Variants in ARHGAP31 observed in about 807,000 individuals in gnomAD.
The protein encoded by ARHGAP31 is Rho GTPase activating protein 31, also known as rho GTPase-activating protein 31.
A neutral mutation model predicts 113.9 loss-of-function variants in ARHGAP31; 34 were observed. The observed-to-expected ratio is 0.30, with a 90% CI of 0.23 to 0.40. ARHGAP31 has a LOEUF of 0.40. Ranked by LOEUF, ARHGAP31 falls within the 10% of genes least tolerant of loss-of-function variation. The pLI, the probability that ARHGAP31 is intolerant of heterozygous loss-of-function variation, is 1.00. For missense variants in ARHGAP31, 1,548 were observed against 1,767.1 expected (o/e 0.88, Z 2.22); for synonymous variants, 650 against 684.8 (o/e 0.95, Z 0.79).
chr3:119,298,798 T>C, intron 1 of ARHGAP31: 1 of 179,698 alleles, frequency 5.6e-6, no homozygotes, highest in Admixed American at 5.6e-5. Flanking sequence ...CAAAACACAG[T>C]AGAGGCCACC....
chr3:119,338,255 G>A (rs778562589), intron 1 of ARHGAP31, among the ~76,000 whole-genome samples: 58 of 152,276 alleles, frequency 3.8e-4, no homozygotes, highest in Non-Finnish European at 7.3e-4. Context: ...TTACATGGAT[G>A]TTACTCCTAG....
In ARHGAP31 at chr3:119,416,366, C is replaced by T; in HGVS notation, c.*102C>T. 1 of 1,529,316 alleles carries T rather than the reference C, an allele frequency of 6.5e-7. No homozygotes were observed. The allele number at this position is 1,529,316 out of a possible 1,614,324, so 94.7% of individuals were successfully genotyped here. A position where few individuals can be genotyped will look rare whatever the true frequency, so the allele number is the denominator to read the frequency against. ...CAGGCACACGTTATCAAGTTTGGGC[C>T]TATTGTGGCCTCTGACTTCTCTTTC... On this transcript the variant is annotated 3_prime_UTR_variant, in exon 12 of 12. Coordinates refer to ENST00000264245, the MANE Select transcript of ARHGAP31 (RefSeq NM_020754.4).
chr3:119,419,672 G>A lies in ARHGAP31; in HGVS notation c.*3408G>A, dbSNP rs1234065350. 1.3e-5 allele frequency: 2 copies of A among 152,196 alleles called. No homozygotes were observed. Among genetic ancestry groups the A allele is most frequent in the Admixed American group, 6.5e-5 (1 of 15,274 alleles). The allele number at this position is 152,196 out of a possible 1,614,324, so 9.4% of individuals were successfully genotyped here. On this transcript the variant is annotated 3_prime_UTR_variant, in exon 12 of 12. Transcript: ENST00000264245. ...AGAAGGGGAAAAAGTGTGGCAACAA[G>A]CATCTTTTAATAGGATAGTTGACGG...
chr3:119,337,440 A>G (rs1009071666), intron 1 of ARHGAP31, among the ~76,000 whole-genome samples: 4 of 152,200 alleles, frequency 2.6e-5, no homozygotes, highest in Admixed American at 6.5e-5. Flanking sequence ...GCACAGACCC[A>G]AAGAGTGACC....
intron 3 of ARHGAP31, among the ~76,000 whole-genome samples, chr3:119,369,197 A>G (rs2080275296): frequency 6.6e-6 from 1 of 152,192 alleles, no homozygotes; most frequent in Non-Finnish European, 1.5e-5. Context: ...CGTGAAAAAC[A>G]TGGCTTGAAC....
At chr3:119,314,115 A>C (rs1467345153) in intron 1 of ARHGAP31, among the ~76,000 whole-genome samples, 3 of 152,094 alleles carry the variant, frequency 2.0e-5, no homozygotes, top group African/African-American at 7.2e-5. Flanking sequence ...GCCACACTCT[A>C]CTTCTCGCAG....
chr3:119,304,968 C>T (rs1559960732), intron 1 of ARHGAP31, among the ~76,000 whole-genome samples: 1 of 151,960 alleles, frequency 6.6e-6, no homozygotes, highest in Non-Finnish European at 1.5e-5. Context: ...TGCTAACTGA[C>T]CCTCTGTTTC....
Position 119,365,360 on chromosome 3 carries a change from G to A in ARHGAP31, c.145G>A (p.Gly49Ser), listed in dbSNP as rs2107622807. The A allele has an allele frequency of 3.7e-6, 6 of 1,614,016 alleles. No individual in the cohort carries two copies. Among genetic ancestry groups the A allele is most frequent in the Admixed American group, 1.7e-5 (1 of 60,018 alleles). Residue 49 changes from glycine to serine, a missense_variant, in exon 2 of 12, where the codon GGC becomes AGC. Transcript: ENST00000264245. Reference protein sequence around the residue: ...KSCAEFIETHGIVDGIYRLSG... With the variant: ...KSCAEFIETHSIVDGIYRLSG... Reference sequence around the variant, plus strand: ...CTGTGCAGAATTTATAGAGACTCACGGCATCGTGGATGGAATCTATCGGCT... The same window carrying A: ...CTGTGCAGAATTTATAGAGACTCACAGCATCGTGGATGGAATCTATCGGCT...
At chr3:119,321,881 G>A (rs1302004706) in intron 1 of ARHGAP31, among the ~76,000 whole-genome samples, 2 of 152,216 alleles carry the variant, frequency 1.3e-5, no homozygotes, top group African/African-American at 4.8e-5. Flanking sequence ...TTGAACTTCT[G>A]ACCTCGGGTG....
chr3:119,397,947 C>G lies in ARHGAP31; in HGVS notation c.1007-1252C>G, dbSNP rs2080566628. On this transcript the variant is annotated intron_variant, in intron 8 of 11. Coordinates refer to ENST00000264245, the MANE Select transcript of ARHGAP31 (RefSeq NM_020754.4). ...AATATAATTACCTTATAGCCATTAC[C>G]CATTTAATCCTCACAACAACTCTAT... Among the ~76,000 whole-genome samples the G allele has an allele frequency of 2.0e-5, 3 of 152,162 alleles. No homozygotes were observed. In the South Asian group the frequency reaches 6.2e-4, roughly 32 times the overall value.
chr3:119,414,619 T>G lies in ARHGAP31; in HGVS notation c.2690T>G (p.Ile897Ser). The change falls in exon 12 of 12, where the codon ATT (isoleucine) becomes AGT (serine). Residue 897 changes from isoleucine to serine, a missense_variant. Physicochemically the swap from Ile to Ser is moderately radical, Grantham distance 142. Coordinates refer to ENST00000264245, the MANE Select transcript of ARHGAP31 (RefSeq NM_020754.4). ...GACGAAGATGACACTGTGACAGACA[T>G]TGCCCAGCATGGCCTGGAGATGGTG... ...DCDEDDTVTDIAQHGLEMVEP... is the reference protein window; with the variant it reads ...DCDEDDTVTDSAQHGLEMVEP... The G allele has an allele frequency of 6.2e-7, 1 of 1,614,180 alleles. No homozygotes were observed.
intron 1 of ARHGAP31, among the ~76,000 whole-genome samples, chr3:119,364,642 A>G (rs561957787): frequency 3.6e-4 from 55 of 152,334 alleles, no homozygotes; most frequent in African/African-American, 1.3e-3. Context: ...TGGGGCCTGA[A>G]GATTTGCATT....
At chr3:119,314,541 A>G (rs1181276571) in intron 1 of ARHGAP31, 2 of 152,556 alleles carry the variant, frequency 1.3e-5, no homozygotes, top group East Asian at 1.9e-4. Context: ...GAGAAGGGCA[A>G]TGCTGTCTTG....
chr3:119,393,611 GTT>G lies in ARHGAP31; in HGVS notation c.1006+23_1006+24del. 1 of 1,613,584 alleles carries G rather than the reference GTT, an allele frequency of 6.2e-7. No individual in the cohort carries two copies. Among genetic ancestry groups the G allele is most frequent in the South Asian group, 1.1e-5 (1 of 91,062 alleles). On this transcript the variant is annotated intron_variant, in intron 8 of 11. Transcript: ENST00000264245. ...TCTCGGGTAAGAATCAACAGCAATTGTTTTATGATACAAATATTTGTTTCCTA... is the reference window on the plus strand; with the variant it reads ...TCTCGGGTAAGAATCAACAGCAATTGTTATGATACAAATATTTGTTTCCTA...
chr3:119,341,298 T>C (rs1040712453), intron 1 of ARHGAP31, among the ~76,000 whole-genome samples: 1 of 152,194 alleles, frequency 6.6e-6, no homozygotes, highest in African/African-American at 2.4e-5. Context: ...AGTGAGGACA[T>C]GACATTCATG....
chr3:119,385,654 T>G (rs2080443368), intron 6 of ARHGAP31, among the ~76,000 whole-genome samples: 1 of 152,248 alleles, frequency 6.6e-6, no homozygotes, highest in African/African-American at 2.4e-5. Flanking sequence ...GTATTCCACA[T>G]GCAGCATTTC....
intron 8 of ARHGAP31, among the ~76,000 whole-genome samples, chr3:119,397,498 A>G (rs2080563080): frequency 6.6e-6 from 1 of 152,362 alleles, no homozygotes; most frequent in East Asian, 1.9e-4. Flanking sequence ...AGGGCAGTAA[A>G]TCAATTTATA....
chr3:119,402,183 G>C lies in ARHGAP31; in HGVS notation c.1431G>C (p.Pro477=). 1 of 1,614,258 alleles carries C rather than the reference G, an allele frequency of 6.2e-7. No homozygotes were observed. Among genetic ancestry groups the C allele is most frequent in the South Asian group, 1.1e-5 (1 of 91,088 alleles). ...GCCTCTTCCAGATGGAGCCCTCGCCGCGTAACCAGCGCAAGGCGCTGAACA... is the reference window on the plus strand; with the variant it reads ...GCCTCTTCCAGATGGAGCCCTCGCCCCGTAACCAGCGCAAGGCGCTGAACA... ...TSSLFQMEPS[P]RNQRKALNIS... is the part of the protein sequence containing the mutation. Residue 477 remains proline, a synonymous_variant, in exon 10 of 12, where the codon CCG becomes CCC. Coordinates refer to ENST00000264245, the MANE Select transcript of ARHGAP31 (RefSeq NM_020754.4).
At chr3:119,343,863 C>G (rs937557158) in intron 1 of ARHGAP31, among the ~76,000 whole-genome samples, 1 of 152,240 alleles carries the variant, frequency 6.6e-6, no homozygotes, top group Non-Finnish European at 1.5e-5. Context: ...GGCTCCCTGA[C>G]ACACTGACAT....
Sources: allele counts gnomAD v4.1 joint callset (sites outside exome capture counted in the v4.1 genomes callset), GRCh38; gene constraint gnomAD v4.1.1; transcripts MANE v1.5; gene names NCBI Gene and HGNC (gene_info 2026-07-23, HGNC 2026-07-21).